The following SHC3 variants were observed in gnomAD, a reference collection of about 807,000 sequenced individuals.
The protein encoded by SHC3 is SHC adaptor protein 3.
In SHC3, 15 loss-of-function variants were observed where a neutral mutation model predicts 60.4. The ratio of observed to expected loss-of-function variants is 0.25; its 90% CI spans 0.17 to 0.38. The LOEUF (loss-of-function observed/expected upper bound fraction) is 0.38, where lower values mean the gene tolerates loss of function less well. Ranked by LOEUF, SHC3 falls within the 10% of genes least tolerant of loss-of-function variation. SHC3 has a pLI of 1.00. For missense variants in SHC3, 677 were observed against 786.1 expected (o/e 0.86, Z 1.66); for synonymous variants, 294 against 325.9 (o/e 0.90, Z 1.05).
intron 1 of SHC3, among the ~76,000 whole-genome samples, chr9:89,140,592 T>C (rs189439829): frequency 6.4e-4 from 97 of 152,270 alleles, no homozygotes; most frequent in African/African-American, 2.3e-3. Flanking sequence ...AATTCTCTCA[T>C]AATGCAAAAC....
At chr9:89,037,808 A>ACTGGCTC (rs1554690154) in intron 11 of SHC3, among the ~76,000 whole-genome samples, 185 bp downstream of exon 11, 4 of 152,244 alleles carry the variant, frequency 2.6e-5, no homozygotes, top group East Asian at 1.9e-4. Context: ...GGCCCTGACC[A>ACTGGCTC]CTGGCTCCTG....
At chr9:89,114,336 A>G (rs576514447) in intron 1 of SHC3, among the ~76,000 whole-genome samples, 2 of 152,268 alleles carry the variant, frequency 1.3e-5, no homozygotes, top group East Asian at 3.9e-4. Context: ...ATTATTACAG[A>G]GTTTTGAAAA....
At chr9:89,094,074 A>C (rs1825664795) in intron 2 of SHC3, among the ~76,000 whole-genome samples, 1 of 150,842 alleles carries the variant, frequency 6.6e-6, no homozygotes, top group East Asian at 1.9e-4. Context: ...ATTGCACTCC[A>C]GCCTAGGGTA....
At chr9:89,047,438 A>G (rs1361333832) in intron 7 of SHC3, among the ~76,000 whole-genome samples, 2 of 152,248 alleles carry the variant, frequency 1.3e-5, no homozygotes, top group Non-Finnish European at 1.5e-5. Context: ...TTCAAAGGAC[A>G]TTATCAAGAA....
At position 89,147,232 on chromosome 9, in the gene SHC3, T is replaced by G. The variant is rs1449540159; in HGVS notation, c.474+30755A>C. The stretch of plus-strand genomic sequence containing the variant: ...TCATTCAGTAAATGTTGACCAAGCC[T>G]CACTCTGTGCCACACTCATCTTGGT... On this transcript the variant is annotated intron_variant, in intron 1 of 11. Transcript: ENST00000375835. Among the ~76,000 whole-genome samples the G allele has an allele frequency of 3.9e-5, 6 of 152,124 alleles. No individual in the cohort carries two copies. The East Asian group carries it at 7.7e-4, about 20-fold the overall frequency.
At chr9:89,149,813 A>G (rs1826520403) in intron 1 of SHC3, among the ~76,000 whole-genome samples, 3 of 152,182 alleles carry the variant, frequency 2.0e-5, no homozygotes, top group Non-Finnish European at 4.4e-5. Flanking sequence ...ATATTAATGG[A>G]AAATTACAGA....
chr9:89,120,815 A>G (rs556594114), intron 1 of SHC3, among the ~76,000 whole-genome samples: 14 of 152,232 alleles, frequency 9.2e-5, no homozygotes, highest in African/African-American at 2.9e-4. Flanking sequence ...TCCCAGAAAG[A>G]TCAAACTCCC....
chr9:89,109,766 G>A lies in SHC3; in HGVS notation c.545+2790C>T, dbSNP rs1292133734. The A allele has an allele frequency of 1.3e-5, 13 of 985,356 alleles. No homozygotes were observed. The South Asian group carries it at 5.2e-4, about 39-fold the overall frequency. The allele number at this position is 985,356 out of a possible 1,614,324, so 61.0% of individuals were successfully genotyped here. A position where few individuals can be genotyped will look rare whatever the true frequency, so the allele number is the denominator to read the frequency against. ...TCCTGCTCCCTTCTTCATCTCACCA[G>A]GGCTTGTTTGCTCTTTTGTTCAGAC... is the stretch of plus-strand genomic sequence containing the variant. On this transcript the variant is annotated intron_variant, in intron 2 of 11. Coordinates refer to ENST00000375835, the MANE Select transcript of SHC3 (RefSeq NM_016848.6).
At chr9:89,123,122 G>A (rs1826115918) in intron 1 of SHC3, among the ~76,000 whole-genome samples, 1 of 152,174 alleles carries the variant, frequency 6.6e-6, no homozygotes, top group African/African-American at 2.4e-5. Context: ...GCTATATGAT[G>A]CAATTTTTGC....
rs952666931 is a variant in SHC3 at position 89,152,756 on chromosome 9, A to T, written c.474+25231T>A. Among the ~76,000 whole-genome samples the T allele has an allele frequency of 2.6e-5, 4 of 152,228 alleles. No individual in the cohort carries two copies. The South Asian group carries it at 8.3e-4, about 31-fold the overall frequency. ...TACTTTTCATAAATTAATTTGTCTA[A>T]TGTACTTTATACAGGATTCTGCACC... On this transcript the variant is annotated intron_variant, in intron 1 of 11. Coordinates refer to ENST00000375835, the MANE Select transcript of SHC3 (RefSeq NM_016848.6).
At chr9:89,133,954 G>A (rs888508043) in intron 1 of SHC3, among the ~76,000 whole-genome samples, 2 of 152,064 alleles carry the variant, frequency 1.3e-5, no homozygotes, top group African/African-American at 4.8e-5. Flanking sequence ...TTAGATTCTA[G>A]ATGAGGCCTG....
intron 1 of SHC3, among the ~76,000 whole-genome samples, chr9:89,127,542 T>C (rs1360365888): frequency 6.6e-6 from 1 of 152,190 alleles, no homozygotes; most frequent in African/African-American, 2.4e-5. Context: ...GGATAGATCC[T>C]GCTTAAAATC....
At chr9:89,037,931 G>A in intron 11 of SHC3, 62 bp downstream of exon 11, 1 of 1,560,378 alleles carries the variant, frequency 6.4e-7, no homozygotes, top group Non-Finnish European at 8.6e-7. Flanking sequence ...ACAAAGTGGA[G>A]ACTGTTTAAG....
At position 89,006,308 on chromosome 9, in the gene SHC3, G is replaced by A. The variant is rs1825939274; in HGVS notation, c.*7139C>T. The A allele has an allele frequency of 6.6e-6, 1 of 152,216 alleles. No individual in the cohort carries two copies. Among genetic ancestry groups the A allele is most frequent in the African/African-American group, 2.4e-5 (1 of 41,456 alleles). 9.4% of individuals were successfully genotyped at this position (152,216 alleles called of 1,614,324 possible). A position where few individuals can be genotyped will look rare whatever the true frequency, so the allele number is the denominator to read the frequency against. ...ATCCCTGTGGATTTATCAAAAGGGA[G>A]GAGGGAATTTAAGCTAATTCTCTTC... On this transcript the variant is annotated 3_prime_UTR_variant, in exon 12 of 12. Coordinates refer to ENST00000375835, the MANE Select transcript of SHC3 (RefSeq NM_016848.6).
At chr9:89,170,171 C>T (rs1000121315) in intron 1 of SHC3, among the ~76,000 whole-genome samples, 3 of 152,188 alleles carry the variant, frequency 2.0e-5, no homozygotes, top group East Asian at 1.9e-4. Context: ...TGGTGAGGGG[C>T]TCCTGTTTGG....
At chr9:89,169,154 C>T (rs1378728895) in intron 1 of SHC3, among the ~76,000 whole-genome samples, 2 of 152,140 alleles carry the variant, frequency 1.3e-5, no homozygotes, top group Non-Finnish European at 2.9e-5. Flanking sequence ...CTATTAAAAA[C>T]AACTTGGGAG....
intron 2 of SHC3, among the ~76,000 whole-genome samples, chr9:89,083,369 G>A (rs1167129758): frequency 6.6e-6 from 1 of 152,244 alleles, no homozygotes; most frequent in African/African-American, 2.4e-5. Context: ...CCAGGAAGGA[G>A]CACAGCAGGA....
At chr9:89,025,929 T>C (rs1261059075) in intron 11 of SHC3, among the ~76,000 whole-genome samples, 4 of 151,938 alleles carry the variant, frequency 2.6e-5, no homozygotes, top group Admixed American at 2.0e-4. Flanking sequence ...TAAGTAAGAG[T>C]CTGGTACCTT....
intron 1 of SHC3, among the ~76,000 whole-genome samples, chr9:89,140,936 A>G (rs1228501429): frequency 6.6e-6 from 1 of 152,220 alleles, no homozygotes; most frequent in East Asian, 1.9e-4. Flanking sequence ...TTTTAAATAT[A>G]TATAGTTTAG....
Sources: allele counts gnomAD v4.1 joint callset (sites outside exome capture counted in the v4.1 genomes callset), GRCh38; gene constraint gnomAD v4.1.1; transcripts MANE v1.5; gene names NCBI Gene and HGNC (gene_info 2026-07-23, HGNC 2026-07-21).